The following TSPAN7 variants were observed in gnomAD, a reference collection of about 807,000 sequenced individuals.
The protein encoded by TSPAN7 is tetraspanin-7.
TSPAN7 carries 1 observed loss-of-function variant against 17.6 expected under a neutral mutation model. The ratio of observed to expected loss-of-function variants is 0.06; its 90% CI spans 0.02 to 0.27. The LOEUF (loss-of-function observed/expected upper bound fraction) is 0.27. Ranked by LOEUF, TSPAN7 falls within the 10% of genes least tolerant of loss-of-function variation. TSPAN7 has a pLI of 1.00. For synonymous variants in TSPAN7, 78 were observed against 79.0 expected, an observed-to-expected ratio of 0.99 and a Z score of 0.07; for missense variants, 112 against 201.7, an observed-to-expected ratio of 0.56 and a Z score of 2.69.
At chrX:38,635,425 T>C (rs1275763803) in intron 1 of TSPAN7, among the ~76,000 whole-genome samples, 1 of 111,351 alleles carries the variant, frequency 9.0e-6, no homozygotes, top group Non-Finnish European at 1.9e-5. Flanking sequence ...GCAAGACTTT[T>C]GGGGGCAGAG....
intron 1 of TSPAN7, among the ~76,000 whole-genome samples, chrX:38,583,988 C>T (rs1215234110): frequency 1.4e-5 from 1 of 73,357 alleles, no homozygotes; most frequent in African/African-American, 5.8e-5. Context: ...GAGTCTTGCT[C>T]TGTCGCCCAG....
At chrX:38,604,218 C>A (rs1381480911) in intron 1 of TSPAN7, among the ~76,000 whole-genome samples, 1 of 102,958 alleles carries the variant, frequency 9.7e-6, no homozygotes, top group African/African-American at 3.5e-5. Flanking sequence ...TTTTTTATGG[C>A]TGCATAGTAT....
chrX:38,604,254 T>G (rs1383449290), intron 1 of TSPAN7, among the ~76,000 whole-genome samples: 1 of 104,006 alleles, frequency 9.6e-6, no homozygotes. Context: ...TGCCACATTT[T>G]CTTAATCCAG....
chrX:38,662,392 C>T (rs967640246), intron 1 of TSPAN7, among the ~76,000 whole-genome samples: 4 of 111,602 alleles, frequency 3.6e-5, no homozygotes, highest in Non-Finnish European at 7.5e-5. Context: ...TTTCTTAACT[C>T]TACAATTGGT....
intron 1 of TSPAN7, among the ~76,000 whole-genome samples, chrX:38,621,669 A>G (rs1037678032): frequency 2.7e-5 from 3 of 112,087 alleles, no homozygotes; most frequent in Non-Finnish European, 5.6e-5. Context: ...ACTGGGTGAA[A>G]GGCAGATTCT....
rs188388158 is a variant in TSPAN7, at chrX:38,610,057, G to A, written c.81+48430G>A. Among the ~76,000 whole-genome samples, 68 of 111,671 alleles carry A rather than the reference G, an allele frequency of 6.1e-4. No individual in the cohort carries two copies. The East Asian group carries it at 9.1e-3, about 15-fold the overall frequency. ...TACGATTGGCATTCCAAAGAAAGTCGTATCTGATTCTGTATTATTTGGGGT... is the reference window on the plus strand; with the variant it reads ...TACGATTGGCATTCCAAAGAAAGTCATATCTGATTCTGTATTATTTGGGGT... On this transcript the variant is annotated intron_variant, in intron 1 of 7. Coordinates refer to ENST00000378482, the MANE Select transcript of TSPAN7 (RefSeq NM_004615.4).
chrX:38,671,518 A>T, intron 3 of TSPAN7, 68 bp downstream of exon 3: 2 of 1,028,266 alleles, frequency 1.9e-6, no homozygotes, highest in Non-Finnish European at 2.7e-6. Flanking sequence ...AAACCTCTTG[A>T]AATGTGTAAA....
chrX:38,665,340 C>T (rs1436814553), intron 1 of TSPAN7, among the ~76,000 whole-genome samples: 1 of 111,648 alleles, frequency 9.0e-6, no homozygotes, highest in East Asian at 2.8e-4. Context: ...TGGTTAGAGA[C>T]ATAAAGCAAC....
rs765429425 is a variant in TSPAN7 at position 38,563,050 on chromosome X, AAGC to A, written c.81+1426_81+1428del. 2.2e-4 allele frequency: 217 copies of A among 969,450 alleles called. 6 individuals carry two copies. The East Asian group carries it at 7.4e-3, about 33-fold the overall frequency. 79.9% of individuals were successfully genotyped at this position (969,450 alleles called of 1,213,427 possible). A position where few individuals can be genotyped will look rare whatever the true frequency, so the allele number is the denominator to read the frequency against. Reference sequence around the variant, plus strand: ...GGACTGTTTGCAATGGTCAAGGAAGAAGCAGAGATTTATTGAGGATCAAAAATA... The same window carrying A: ...GGACTGTTTGCAATGGTCAAGGAAGAAGAGATTTATTGAGGATCAAAAATA... On this transcript the variant is annotated intron_variant, in intron 1 of 7. Coordinates refer to ENST00000378482, the MANE Select transcript of TSPAN7 (RefSeq NM_004615.4).
intron 1 of TSPAN7, among the ~76,000 whole-genome samples, chrX:38,601,527 A>G (rs2069346951): frequency 8.9e-6 from 1 of 112,044 alleles, no homozygotes; most frequent in African/African-American, 3.2e-5. Context: ...TCTACCATTT[A>G]ATTTATCCCC....
chrX:38,638,721 T>C (rs141366350), intron 1 of TSPAN7, among the ~76,000 whole-genome samples: 1 of 111,778 alleles, frequency 8.9e-6, no homozygotes, highest in Non-Finnish European at 1.9e-5. Flanking sequence ...GATTAAATTA[T>C]GGCCACACTG....
intron 6 of TSPAN7, among the ~76,000 whole-genome samples, chrX:38,686,346 C>A (rs2069927038): frequency 1.8e-5 from 2 of 111,886 alleles, no homozygotes; most frequent in Admixed American, 1.9e-4. Flanking sequence ...CAGGTGTTGC[C>A]CTGACCAACA....
At chrX:38,625,309 G>T (rs905252967) in intron 1 of TSPAN7, among the ~76,000 whole-genome samples, 1 of 111,323 alleles carries the variant, frequency 9.0e-6, no homozygotes, top group Non-Finnish European at 1.9e-5. Context: ...CTGAGGCAAA[G>T]TCTAGTAGGA....
At chrX:38,581,038 G>T (rs1220352174) in intron 1 of TSPAN7, among the ~76,000 whole-genome samples, 1 of 112,496 alleles carries the variant, frequency 8.9e-6, no homozygotes, top group Non-Finnish European at 1.9e-5. Flanking sequence ...AGTGGGGATA[G>T]TTATTCCACA....
chrX:38,607,862 G>GA (rs75062367), intron 1 of TSPAN7, among the ~76,000 whole-genome samples: 249 of 83,322 alleles, frequency 3.0e-3, no homozygotes, highest in Middle Eastern at 6.6e-3. Context: ...TAGCCTTGAG[G>GA]AAAAAAAAAA....
chrX:38,652,249 TA>T (rs2069679635), intron 1 of TSPAN7, among the ~76,000 whole-genome samples: 1 of 112,066 alleles, frequency 8.9e-6, no homozygotes, highest in African/African-American at 3.3e-5. Flanking sequence ...GATAATTGGC[TA>T]GCAAAGGCTA....
intron 1 of TSPAN7, among the ~76,000 whole-genome samples, chrX:38,645,553 GA>G (rs367592185): frequency 3.5e-3 from 355 of 100,438 alleles, no homozygotes; most frequent in African/African-American, 0.011. Flanking sequence ...TGATTTGAAG[GA>G]AAAAAAAAAA....
intron 6 of TSPAN7, 64 bp downstream of exon 6, chrX:38,681,351 G>C: frequency 1.0e-6 from 1 of 973,533 alleles, no homozygotes; most frequent in African/African-American, 1.9e-5. Flanking sequence ...CTGGCCTCCA[G>C]ATTCTCTGCC....
intron 1 of TSPAN7, among the ~76,000 whole-genome samples, chrX:38,664,959 G>A (rs1473971915): frequency 1.8e-5 from 2 of 112,551 alleles, no homozygotes; most frequent in Non-Finnish European, 3.8e-5. Flanking sequence ...ATAAAGGAGA[G>A]AGGTCTAAGC....
Sources: gnomAD v4.1 joint callset for allele counts (sites outside exome capture counted in the v4.1 genomes callset) on GRCh38, gnomAD v4.1.1 for gene constraint, MANE v1.5 for transcripts, NCBI Gene and HGNC (gene_info 2026-07-23, HGNC 2026-07-21) for gene names.